The following CTNNA2 variants were observed in gnomAD, a reference collection of about 807,000 sequenced individuals.
CTNNA2 encodes catenin alpha-2.
Under a neutral mutation model 101.0 loss-of-function variants are expected in CTNNA2, and 42 were observed. The ratio of observed to expected loss-of-function variants is 0.42; its 90% CI spans 0.32 to 0.54. The LOEUF (loss-of-function observed/expected upper bound fraction) is 0.54. CTNNA2 is among the 20% of genes least tolerant of loss of function. CTNNA2 has a pLI of 0.14. For missense variants in CTNNA2, 871 were observed against 1,223.1 expected, an observed-to-expected ratio of 0.71 and a Z score of 4.29; for synonymous variants, 450 against 456.4, an observed-to-expected ratio of 0.99 and a Z score of 0.18.
At chr2:79,870,463 G>A (rs1345758300) in intron 5 of CTNNA2, among the ~76,000 whole-genome samples, 2 of 150,964 alleles carry the variant, frequency 1.3e-5, no homozygotes, top group African/African-American at 4.9e-5. Flanking sequence ...AGGGGGAAAA[G>A]GGGAGGGGAG....
intron 7 of CTNNA2, among the ~76,000 whole-genome samples, chr2:80,190,098 A>G (rs1390617580): frequency 6.6e-6 from 1 of 152,034 alleles, no homozygotes; most frequent in African/African-American, 2.4e-5. Flanking sequence ...CTCTAAAACT[A>G]GACCTTAAAG....
chr2:80,332,193 C>A (rs1187953787), intron 7 of CTNNA2, among the ~76,000 whole-genome samples: 1 of 152,136 alleles, frequency 6.6e-6, no homozygotes, highest in Non-Finnish European at 1.5e-5. Context: ...TCTCCTTAAA[C>A]AAACAAACTC....
chr2:79,507,336 C>A (rs1016966671), intron 5 of CTNNA2, among the ~76,000 whole-genome samples: 6 of 152,074 alleles, frequency 3.9e-5, no homozygotes, highest in Non-Finnish European at 7.4e-5. Context: ...GAAGTGGGAA[C>A]TTTTAGAGGT....
chr2:80,082,293 A>G (rs747801238), intron 7 of CTNNA2, among the ~76,000 whole-genome samples: 2 of 152,124 alleles, frequency 1.3e-5, no homozygotes, highest in Non-Finnish European at 2.9e-5. Flanking sequence ...AAGTATTCTA[A>G]ACAGACTGAG....
intron 4 of CTNNA2, among the ~76,000 whole-genome samples, chr2:79,445,612 C>T (rs776860281): frequency 1.3e-5 from 2 of 152,100 alleles, no homozygotes; most frequent in Non-Finnish European, 2.9e-5. Context: ...GACCTAATCA[C>T]CTGTTGATTA....
At chr2:80,623,036 A>G (rs1340684610) in intron 18 of CTNNA2, among the ~76,000 whole-genome samples, 1 of 140,080 alleles carries the variant, frequency 7.1e-6, no homozygotes, top group Non-Finnish European at 1.5e-5. Flanking sequence ...CAAGACTACT[A>G]GCGCTAGTTT....
chr2:80,244,778 T>C (rs962302682), intron 7 of CTNNA2, among the ~76,000 whole-genome samples: 1 of 152,212 alleles, frequency 6.6e-6, no homozygotes, highest in Non-Finnish European at 1.5e-5. Flanking sequence ...ATCTCGGCTC[T>C]GGGGCTTACT....
intron 7 of CTNNA2, among the ~76,000 whole-genome samples, chr2:80,331,346 G>T (rs369711464): frequency 6.6e-6 from 1 of 152,292 alleles, no homozygotes; most frequent in South Asian, 2.1e-4. Context: ...TGCCATCCAA[G>T]CGTATGGGTT....
intron 8 of CTNNA2, among the ~76,000 whole-genome samples, chr2:80,413,832 T>C (rs1212942296): frequency 6.6e-6 from 1 of 152,236 alleles, no homozygotes; most frequent in African/African-American, 2.4e-5. Flanking sequence ...TTCAGATTTT[T>C]TGAGCCTATT....
chr2:79,485,149 C>A (rs1017643501), intron 4 of CTNNA2, among the ~76,000 whole-genome samples: 1 of 152,034 alleles, frequency 6.6e-6, no homozygotes, highest in Non-Finnish European at 1.5e-5. Flanking sequence ...GAATAATATG[C>A]TTCTTTTTTC....
rs182424302 is a variant in CTNNA2 at position 80,179,621 on chromosome 2, C to T, written c.1057-213590C>T. ...ATCTCCTGACCTCGTGATCCGCCCA[C>T]GACAGCCTCCCAAAATGCTGGGATT... On this transcript the variant is annotated intron_variant, in intron 7 of 18. Transcript: ENST00000402739. 2.8e-3 allele frequency among the ~76,000 whole-genome samples: 425 copies of T among 152,290 alleles called. 1 individual carries two copies. Among genetic ancestry groups the T allele is most frequent in the African/African-American group, 9.2e-3 (384 of 41,560 alleles).
intron 18 of CTNNA2, among the ~76,000 whole-genome samples, chr2:80,628,662 G>A (rs1189004818): frequency 3.9e-5 from 6 of 151,978 alleles, no homozygotes; most frequent in African/African-American, 1.4e-4. Context: ...AGTTTAAAAG[G>A]CTTTTTTTTC....
chr2:79,594,005 C>T (rs1169660015), intron 1 of CTNNA2, among the ~76,000 whole-genome samples: 1 of 146,722 alleles, frequency 6.8e-6, no homozygotes, highest in Non-Finnish European at 1.5e-5. Context: ...TCCTACACCT[C>T]AGCCTCCCAA....
intron 7 of CTNNA2, among the ~76,000 whole-genome samples, chr2:80,320,532 C>T (rs1267329110): frequency 6.6e-6 from 1 of 152,108 alleles, no homozygotes; most frequent in Non-Finnish European, 1.5e-5. Flanking sequence ...AATTCACCCC[C>T]CGATGATTGC....
At chr2:79,590,807 CTG>C (rs771482241) in intron 1 of CTNNA2, among the ~76,000 whole-genome samples, 2 of 152,146 alleles carry the variant, frequency 1.3e-5, no homozygotes, top group Non-Finnish European at 2.9e-5. Flanking sequence ...GAAAACAGCA[CTG>C]TGTTTTATCT....
intron 7 of CTNNA2, among the ~76,000 whole-genome samples, chr2:79,949,788 A>T (rs560125441): frequency 5.8e-4 from 89 of 152,202 alleles, no homozygotes; most frequent in Non-Finnish European, 9.7e-4. Flanking sequence ...AAGAAAAAAA[A>T]ACATGGAGAC....
chr2:79,609,145 C>T (rs562732227), intron 1 of CTNNA2, among the ~76,000 whole-genome samples: 1 of 152,006 alleles, frequency 6.6e-6, no homozygotes, highest in African/African-American at 2.4e-5. Context: ...AGTGCATAAT[C>T]TGTACACCAA....
chr2:80,495,021 C>T (rs1204639764), intron 9 of CTNNA2, among the ~76,000 whole-genome samples: 2 of 152,096 alleles, frequency 1.3e-5, no homozygotes, highest in Non-Finnish European at 2.9e-5. Flanking sequence ...ACTGTGGTGG[C>T]TCCTGGTTCT....
chr2:80,046,793 C>T (rs1268305141), intron 7 of CTNNA2, among the ~76,000 whole-genome samples: 1 of 152,060 alleles, frequency 6.6e-6, no homozygotes, highest in Non-Finnish European at 1.5e-5. Context: ...AGAAACTTTG[C>T]CTAATTTTTA....
Sources: allele counts gnomAD v4.1 joint callset (sites outside exome capture counted in the v4.1 genomes callset), GRCh38; gene constraint gnomAD v4.1.1; transcripts MANE v1.5; gene names NCBI Gene and HGNC (gene_info 2026-07-23, HGNC 2026-07-21).